RALYL: variants seen among roughly 807,000 people sequenced by gnomAD.
RALYL encodes the protein RALY RNA binding protein like.
Under a neutral mutation model 35.1 loss-of-function variants are expected in RALYL, and 29 were observed. The observed-to-expected ratio is 0.83, with a 90% confidence interval of 0.61 to 1.13. The LOEUF is 1.13. Ranked by LOEUF, RALYL falls within the 50% of genes most tolerant of loss-of-function variation. The probability of loss-of-function intolerance (pLI) is 0.00; values close to 1 mark genes in which losing one functional copy is unlikely to be tolerated. For synonymous variants in RALYL, 120 were observed against 127.6 expected (o/e 0.94, Z 0.40); for missense variants, 359 against 360.4 (o/e 1.00, Z 0.03).
rs1304189234 is a variant in RALYL, at chr8:84,573,555, G to GT, written c.256+43984dup. Among the ~76,000 whole-genome samples the GT allele has an allele frequency of 5.3e-5, 8 of 151,728 alleles. No homozygotes were observed. The South Asian group carries it at 6.2e-4, about 12-fold the overall frequency. On this transcript the variant is annotated intron_variant, in intron 2 of 8. Transcript: ENST00000521268. Reference sequence around the variant, plus strand: ...GTTGTCTTTAGATTTATCCAGTAAGGTTTTTTACAGATCTTGAATCAGTAA... The same window carrying GT: ...GTTGTCTTTAGATTTATCCAGTAAGGTTTTTTTACAGATCTTGAATCAGTAA...
chr8:84,745,601 G>A (rs764209096), intron 2 of RALYL, among the ~76,000 whole-genome samples: 1 of 151,850 alleles, frequency 6.6e-6, no homozygotes, highest in Non-Finnish European at 1.5e-5. Flanking sequence ...TTTTCATGAG[G>A]TCTCCACTTG....
intron 1 of RALYL, among the ~76,000 whole-genome samples, chr8:84,463,824 G>A (rs576535809): frequency 6.6e-6 from 1 of 152,062 alleles, no homozygotes; most frequent in Non-Finnish European, 1.5e-5. Context: ...GATTTTAACA[G>A]ATGCACATAG....
chr8:84,482,658 T>G (rs915472424), intron 1 of RALYL, among the ~76,000 whole-genome samples: 3 of 152,152 alleles, frequency 2.0e-5, no homozygotes, highest in Admixed American at 6.5e-5. Context: ...AAAATATATG[T>G]TTTTCAGTAG....
At chr8:84,617,072 C>T (rs1268386807) in intron 2 of RALYL, among the ~76,000 whole-genome samples, 2 of 150,504 alleles carry the variant, frequency 1.3e-5, no homozygotes, top group Admixed American at 1.3e-4. Context: ...CTCGGTGATG[C>T]AGGCTCTTTT....
intron 6 of RALYL, among the ~76,000 whole-genome samples, chr8:84,871,543 G>A (rs1840192378): frequency 6.6e-6 from 1 of 152,094 alleles, no homozygotes; most frequent in African/African-American, 2.4e-5. Context: ...ACTCTTCAAA[G>A]CAAAATCAAT....
chr8:84,869,718 GA>G (rs2135184642), intron 6 of RALYL, among the ~76,000 whole-genome samples: 1 of 152,212 alleles, frequency 6.6e-6, no homozygotes, highest in East Asian at 1.9e-4. Context: ...ACCATGTTAA[GA>G]ACCACGGATC....
chr8:84,286,536 A>G (rs1293275785), intron 1 of RALYL, among the ~76,000 whole-genome samples: 1 of 152,188 alleles, frequency 6.6e-6, no homozygotes, highest in Admixed American at 6.5e-5. Context: ...AGCACCTCGC[A>G]AGGAGAATCT....
At chr8:84,810,194 G>T (rs577767270) in intron 4 of RALYL, among the ~76,000 whole-genome samples, 1 of 151,906 alleles carries the variant, frequency 6.6e-6, no homozygotes, top group African/African-American at 2.4e-5. Flanking sequence ...CATTATTGTC[G>T]TTCAGTTCAA....
intron 2 of RALYL, among the ~76,000 whole-genome samples, chr8:84,660,121 A>G (rs1487321967): frequency 6.6e-6 from 1 of 152,144 alleles, no homozygotes; most frequent in Non-Finnish European, 1.5e-5. Context: ...AATTTTCTCA[A>G]TTTATTCTAC....
At chr8:84,237,879 T>TA (rs1220527497) in intron 1 of RALYL, among the ~76,000 whole-genome samples, 2 of 151,684 alleles carry the variant, frequency 1.3e-5, no homozygotes, top group Non-Finnish European at 2.9e-5. Flanking sequence ...TAAGAGTTGA[T>TA]AAAATCAGGA....
intron 2 of RALYL, among the ~76,000 whole-genome samples, chr8:84,641,277 A>C (rs1825098955): frequency 6.6e-6 from 1 of 151,696 alleles, no homozygotes; most frequent in Non-Finnish European, 1.5e-5. Context: ...TTTTAACATA[A>C]GAATACAACT....
intron 2 of RALYL, among the ~76,000 whole-genome samples, chr8:84,568,522 G>A (rs201622468): frequency 6.8e-6 from 1 of 148,052 alleles, no homozygotes; most frequent in African/African-American, 2.5e-5. Context: ...ATGTGCATGT[G>A]TCTTTATAGC....
At chr8:84,321,319 A>G (rs1418952839) in intron 1 of RALYL, among the ~76,000 whole-genome samples, 4 of 152,120 alleles carry the variant, frequency 2.6e-5, no homozygotes, top group Non-Finnish European at 4.4e-5. Context: ...TAGGCACATA[A>G]GAGAAATGAT....
intron 2 of RALYL, among the ~76,000 whole-genome samples, chr8:84,616,707 G>A (rs1386208725): frequency 1.3e-5 from 2 of 151,292 alleles, no homozygotes; most frequent in Non-Finnish European, 3.0e-5. Context: ...TTTTCTTCTA[G>A]GGTTTTTATG....
intron 1 of RALYL, among the ~76,000 whole-genome samples, chr8:84,307,439 T>TA (rs1208352287): frequency 6.6e-6 from 1 of 152,188 alleles, no homozygotes; most frequent in African/African-American, 2.4e-5. Context: ...TTGCCCTCTC[T>TA]TGTCAATTCC....
chr8:84,293,100 C>T (rs1283838293), intron 1 of RALYL, among the ~76,000 whole-genome samples: 2 of 151,996 alleles, frequency 1.3e-5, no homozygotes, highest in South Asian at 2.1e-4. Context: ...TAATGGAAAA[C>T]GTGGATGGCA....
chr8:84,812,449 G>A (rs923324910), intron 4 of RALYL, among the ~76,000 whole-genome samples: 1 of 152,088 alleles, frequency 6.6e-6, no homozygotes, highest in African/African-American at 2.4e-5. Flanking sequence ...ATCAGCTGTG[G>A]TAGTATGGAG....
At chr8:84,254,642 G>C (rs188689844) in intron 1 of RALYL, among the ~76,000 whole-genome samples, 59 of 151,208 alleles carry the variant, frequency 3.9e-4, no homozygotes, top group African/African-American at 1.3e-3. Context: ...GCCAAAGTTT[G>C]TGTGTGTGGG....
At chr8:84,377,744 A>G (rs1197465069) in intron 1 of RALYL, among the ~76,000 whole-genome samples, 1 of 151,774 alleles carries the variant, frequency 6.6e-6, no homozygotes, top group Non-Finnish European at 1.5e-5. Context: ...TTTCATGTAA[A>G]CCATTGAAAA....
Sources: gnomAD v4.1 joint callset for allele counts (sites outside exome capture counted in the v4.1 genomes callset) on GRCh38, gnomAD v4.1.1 for gene constraint, MANE v1.5 for transcripts, NCBI Gene and HGNC (gene_info 2026-07-23, HGNC 2026-07-21) for gene names.